JARID2: variants seen among roughly 807,000 people sequenced by gnomAD.
The protein encoded by JARID2 is jumonji and AT-rich interaction domain containing 2.
In JARID2, 21 loss-of-function variants were observed where a neutral mutation model predicts 125.6. The observed-to-expected ratio is 0.17, with a 90% CI of 0.12 to 0.24. The LOEUF (loss-of-function observed/expected upper bound fraction) is 0.24, where lower values mean the gene tolerates loss of function less well. JARID2 is among the 10% of genes least tolerant of loss of function. JARID2 has a pLI of 1.00. For synonymous variants in JARID2, 736 were observed against 661.6 expected (o/e 1.11, Z -1.73); for missense variants, 1,303 against 1,639.6 (o/e 0.79, Z 3.55).
intron 3 of JARID2, among the ~76,000 whole-genome samples, chr6:15,433,400 C>G (rs1323419454): frequency 7.0e-6 from 1 of 143,502 alleles, no homozygotes; most frequent in African/African-American, 2.7e-5. Flanking sequence ...TCCCCAACCC[C>G]CATGTCTCTC....
At chr6:15,342,967 G>A (rs1327031148) in intron 1 of JARID2, among the ~76,000 whole-genome samples, 1 of 152,150 alleles carries the variant, frequency 6.6e-6, no homozygotes, top group Admixed American at 6.5e-5. Context: ...CAACATTTTG[G>A]GAGGCCAAGA....
intron 6 of JARID2, among the ~76,000 whole-genome samples, chr6:15,495,218 TG>T (rs1184528076): frequency 3.9e-5 from 6 of 152,206 alleles, no homozygotes; most frequent in African/African-American, 1.4e-4. Flanking sequence ...TGTCTGCCAT[TG>T]TCGCTCCCCA....
At chr6:15,401,994 TGTGA>T (rs1765457711) in intron 2 of JARID2, among the ~76,000 whole-genome samples, 1 of 151,776 alleles carries the variant, frequency 6.6e-6, no homozygotes, top group Non-Finnish European at 1.5e-5. Flanking sequence ...TTTCTTGATA[TGTGA>T]GTGAGGTAAT....
chr6:15,355,676 A>T (rs950622038), intron 1 of JARID2, among the ~76,000 whole-genome samples: 2 of 151,428 alleles, frequency 1.3e-5, no homozygotes, highest in Non-Finnish European at 2.9e-5. Flanking sequence ...CAGTGCTGTG[A>T]TCCCGGCTCA....
chr6:15,325,119 T>C (rs937340606), intron 1 of JARID2, among the ~76,000 whole-genome samples: 24 of 152,314 alleles, frequency 1.6e-4, no homozygotes, highest in African/African-American at 5.8e-4. Context: ...TCACCACCTT[T>C]ACTTCCTCTT....
At chr6:15,264,620 T>G (rs1026251603) in intron 1 of JARID2, among the ~76,000 whole-genome samples, 2 of 150,810 alleles carry the variant, frequency 1.3e-5, no homozygotes, top group African/African-American at 4.9e-5. Flanking sequence ...TGAGTGTGTG[T>G]GTGTGTGTGT....
chr6:15,468,908 C>G (rs1768880113), intron 5 of JARID2, among the ~76,000 whole-genome samples, 190 bp downstream of exon 5: 1 of 152,084 alleles, frequency 6.6e-6, no homozygotes. Context: ...TAGGTGAGTG[C>G]AGATACTCTG....
At chr6:15,477,077 A>G (rs915863774) in intron 5 of JARID2, among the ~76,000 whole-genome samples, 1 of 152,136 alleles carries the variant, frequency 6.6e-6, no homozygotes, top group Non-Finnish European at 1.5e-5. Context: ...TCTTTTGTGC[A>G]TATCGTTTTC....
chr6:15,422,671 C>A (rs929151748), intron 3 of JARID2, among the ~76,000 whole-genome samples: 1 of 152,196 alleles, frequency 6.6e-6, no homozygotes, highest in Non-Finnish European at 1.5e-5. Context: ...CCCACTTCTG[C>A]TTCCCCATCA....
At chr6:15,415,289 C>T (rs963041378) in intron 3 of JARID2, among the ~76,000 whole-genome samples, 2 of 152,266 alleles carry the variant, frequency 1.3e-5, no homozygotes, top group African/African-American at 4.8e-5. Context: ...TTCCACAAAA[C>T]CGCCATTGTC....
At chr6:15,292,013 T>C (rs1761235599) in intron 1 of JARID2, among the ~76,000 whole-genome samples, 1 of 152,118 alleles carries the variant, frequency 6.6e-6, no homozygotes, top group Non-Finnish European at 1.5e-5. Flanking sequence ...ATGGATGTTG[T>C]AGGTCTGTGT....
At chr6:15,493,147 A>T (rs981036727) in intron 6 of JARID2, among the ~76,000 whole-genome samples, 2 of 151,736 alleles carry the variant, frequency 1.3e-5, no homozygotes, top group African/African-American at 2.4e-5. Context: ...AAGGCCTTAC[A>T]CTCTTATTTG....
chr6:15,311,735 GT>G (rs10715130), intron 1 of JARID2, among the ~76,000 whole-genome samples: 30,455 of 145,578 alleles, frequency 0.21, 3,060 homozygotes, highest in African/African-American at 0.27. Flanking sequence ...AAAGGTAACT[GT>G]TTTTTTTTTT....
intron 1 of JARID2, among the ~76,000 whole-genome samples, chr6:15,258,880 T>C (rs1046204107): frequency 3.5e-4 from 54 of 152,344 alleles, no homozygotes; most frequent in African/African-American, 1.3e-3. Context: ...AAGTGCAAGA[T>C]TGAAGAGGAA....
At chr6:15,331,458 A>G (rs1204272440) in intron 1 of JARID2, among the ~76,000 whole-genome samples, 7 of 152,350 alleles carry the variant, frequency 4.6e-5, no homozygotes, top group African/African-American at 1.7e-4. Flanking sequence ...CAACACTTTA[A>G]GAAATACCCC....
intron 1 of JARID2, among the ~76,000 whole-genome samples, chr6:15,271,865 T>C (rs1760310260): frequency 6.6e-6 from 1 of 152,114 alleles, no homozygotes; most frequent in African/African-American, 2.4e-5. Flanking sequence ...CTGGGCGTGG[T>C]GGTGTGTGCC....
chr6:15,403,555 A>C (rs1765524626), intron 2 of JARID2, among the ~76,000 whole-genome samples: 1 of 152,200 alleles, frequency 6.6e-6, no homozygotes, highest in African/African-American at 2.4e-5. Flanking sequence ...TATCTTTCTC[A>C]AAGAGTCATT....
At chr6:15,446,423 G>A (rs1431052896) in intron 3 of JARID2, among the ~76,000 whole-genome samples, 1 of 152,242 alleles carries the variant, frequency 6.6e-6, no homozygotes, top group Non-Finnish European at 1.5e-5. Flanking sequence ...TGTGCGGGAA[G>A]TGGCCTCTAT....
intron 17 of JARID2, among the ~76,000 whole-genome samples, chr6:15,518,018 A>G (rs1249838200): frequency 6.6e-6 from 1 of 152,226 alleles, no homozygotes; most frequent in African/African-American, 2.4e-5. Context: ...GGTGGGTCTC[A>G]CTGGATAAGC....
Sources: allele counts gnomAD v4.1 joint callset (sites outside exome capture counted in the v4.1 genomes callset), GRCh38; gene constraint gnomAD v4.1.1; transcripts MANE v1.5; gene names NCBI Gene and HGNC (gene_info 2026-07-23, HGNC 2026-07-21).